DYSF: variants seen among roughly 807,000 people sequenced by gnomAD.
DYSF encodes the protein dystrophy-associated fer-1-like 1.
DYSF carries 212 observed loss-of-function variants against 274.9 expected under a neutral mutation model. The observed-to-expected ratio is 0.77, with a 90% CI of 0.69 to 0.86. DYSF has a LOEUF of 0.86. Ranked by LOEUF, DYSF falls within the 40% of genes least tolerant of loss-of-function variation. The pLI is 0.00. For missense variants in DYSF, 2,666 were observed against 2,783.2 expected (o/e 0.96, Z 0.95); for synonymous variants, 1,091 against 1,078.7 (o/e 1.01, Z -0.22).
At chr2:71,499,815 T>G (rs1272009786) in intron 3 of DYSF, among the ~76,000 whole-genome samples, 1 of 152,204 alleles carries the variant, frequency 6.6e-6, no homozygotes, top group Non-Finnish European at 1.5e-5. Flanking sequence ...CTGAGGAGGC[T>G]GGGAGCACCT....
rs934428561 is a variant in DYSF, at chr2:71,516,178, A to G, written c.889-2A>G. The G allele has an allele frequency of 1.2e-6, 2 of 1,614,042 alleles. No individual in the cohort carries two copies. Among genetic ancestry groups the G allele is most frequent in the African/African-American group, 2.7e-5 (2 of 74,908 alleles). ...ATGTCTCTCTTTGCTCTGAACCAAC[A>G]GACTCTTTTCTTCAACTTGTTTGAC... On this transcript the variant is annotated splice_acceptor_variant, in intron 8 of 55. Transcript: ENST00000410020. LOFTEE classifies it high-confidence loss of function.
intron 32 of DYSF, among the ~76,000 whole-genome samples, chr2:71,594,718 T>C (rs916508263): frequency 2.0e-5 from 3 of 152,212 alleles, no homozygotes; most frequent in Non-Finnish European, 4.4e-5. Flanking sequence ...ACCCTTGCCA[T>C]GCTTGCGCCT....
rs143304754 is a variant in DYSF at position 71,556,071 on chromosome 2, G to C, written c.2216G>C (p.Ser739Thr). 2 of 1,565,398 alleles carry C rather than the reference G, an allele frequency of 1.3e-6. No homozygotes were observed. Among genetic ancestry groups the C allele is most frequent in the African/African-American group, 1.3e-5 (1 of 74,408 alleles). The change falls in exon 22 of 56, where the codon AGC becomes ACC. Residue 739 changes from serine to threonine, a missense_variant and splice_region_variant. Around this residue, in one of 3 missense-constraint regions of DYSF, gnomAD observed 412 missense variants for 504.0 expected, o/e 0.82. Transcript: ENST00000410020. ...QLTDELIAGC[S>T]QPLGDIHETP... ...ACGGATGAGCTCATCGCAGGCTGCA[G>C]GTAGGGGGGACCTGGCGCCCCTGGT...
chr2:71,681,099 TGAG>T lies in DYSF; in HGVS notation c.6165_6167del (p.Glu2055del). ...ATGAGCCCAACATGAACCCTAAGCT[TGAG>T]GACCCAAGGTCAGTGCCCAGCCCCT... On this transcript the variant is annotated inframe_deletion, in exon 54 of 56. Transcript: ENST00000410020. 6.2e-7 allele frequency: 1 copy of T among 1,613,994 alleles called. No individual in the cohort carries two copies. Among genetic ancestry groups the T allele is most frequent in the Non-Finnish European group, 8.5e-7 (1 of 1,180,008 alleles).
chr2:71,546,384 C>T (rs1048045262), intron 17 of DYSF, among the ~76,000 whole-genome samples: 2 of 152,220 alleles, frequency 1.3e-5, no homozygotes, highest in African/African-American at 2.4e-5. Flanking sequence ...CAGGGTTCAC[C>T]AGATGATTTG....
intron 42 of DYSF, among the ~76,000 whole-genome samples, chr2:71,646,011 A>G (rs2094562647): frequency 6.6e-6 from 1 of 152,010 alleles, no homozygotes; most frequent in African/African-American, 2.4e-5. Flanking sequence ...TCTGCTAGGC[A>G]CTCTGGAGGG....
intron 1 of DYSF, among the ~76,000 whole-genome samples, chr2:71,472,448 C>T (rs1451318605): frequency 6.6e-6 from 1 of 152,186 alleles, no homozygotes; most frequent in Non-Finnish European, 1.5e-5. Flanking sequence ...ATTCTGTCGC[C>T]CAGGCTGGAG....
At chr2:71,674,861 A>G (rs2095193595) in intron 52 of DYSF, among the ~76,000 whole-genome samples, 1 of 152,168 alleles carries the variant, frequency 6.6e-6, no homozygotes, top group Admixed American at 6.5e-5. Context: ...AAGACATTGT[A>G]TGGGGCCTGC....
At chr2:71,662,581 A>T (rs1209050813) in intron 45 of DYSF, among the ~76,000 whole-genome samples, 3 of 146,286 alleles carry the variant, frequency 2.1e-5, no homozygotes, top group Non-Finnish European at 4.5e-5. Flanking sequence ...TTGTGTGTAT[A>T]CATGTGTGTA....
chr2:71,496,130 C>A (rs139550882), intron 3 of DYSF, among the ~76,000 whole-genome samples: 1 of 152,094 alleles, frequency 6.6e-6, no homozygotes, highest in Non-Finnish European at 1.5e-5. Flanking sequence ...GACCTCCCAG[C>A]CTCCTCTTCA....
intron 36 of DYSF, among the ~76,000 whole-genome samples, chr2:71,606,045 C>T (rs551690374): frequency 5.8e-4 from 89 of 152,220 alleles, no homozygotes; most frequent in African/African-American, 2.1e-3. Flanking sequence ...GATGACCCGG[C>T]TGATGCAGGA....
At chr2:71,606,499 G>A (rs1028891600) in intron 36 of DYSF, among the ~76,000 whole-genome samples, 1 of 152,102 alleles carries the variant, frequency 6.6e-6, no homozygotes, top group Non-Finnish European at 1.5e-5. Flanking sequence ...TTGCAGTGAG[G>A]GTCGCAGCAC....
At chr2:71,546,526 C>T (rs2090490531) in intron 17 of DYSF, among the ~76,000 whole-genome samples, 1 of 152,234 alleles carries the variant, frequency 6.6e-6, no homozygotes, top group Non-Finnish European at 1.5e-5. Flanking sequence ...GGACCCTGTG[C>T]TCTGAAGTAT....
chr2:71,679,380 C>T (rs2095267821), intron 53 of DYSF, 145 bp downstream of exon 53: 1 of 852,826 alleles, frequency 1.2e-6, no homozygotes, highest in Non-Finnish European at 1.8e-6. Flanking sequence ...CCCTCTCTCT[C>T]TATTTTCCAA....
chr2:71,563,789 A>T (rs2091924058), intron 23 of DYSF, among the ~76,000 whole-genome samples: 1 of 152,176 alleles, frequency 6.6e-6, no homozygotes. Flanking sequence ...TCCCAGAAGG[A>T]TGTACTCAGC....
chr2:71,507,392 C>G (rs2085597456), intron 4 of DYSF, among the ~76,000 whole-genome samples: 1 of 152,250 alleles, frequency 6.6e-6, no homozygotes. Context: ...TGCAAAATGT[C>G]TCATTCCCCT....
chr2:71,611,590 C>T lies in DYSF; in HGVS notation c.4185C>T (p.Asn1395=), dbSNP rs769037989. The stretch of plus-strand genomic sequence containing the variant: ...GTGTCATCAGGAACCTCCGGAAGAA[C>T]CCCAACTTTGACATCTGCACCCTCT... ...QSCVIRNLRK[N]PNFDICTLFM... Residue 1395 remains asparagine, a synonymous_variant, in exon 38 of 56, where the codon AAC becomes AAT. Coordinates refer to ENST00000410020, the MANE Select transcript of DYSF (RefSeq NM_001130987.2). 9 of 1,614,028 alleles carry T rather than the reference C, an allele frequency of 5.6e-6. No individual in the cohort carries two copies. The highest frequency in any genetic ancestry group is 4.0e-5 in the African/African-American group (3 of 74,932).
In DYSF at chr2:71,682,566, A is replaced by T. The variant is rs372244975; in HGVS notation, c.6210A>T (p.Pro2070=). Residue 2070 remains proline (P), a synonymous_variant, in exon 55 of 56, where the codon CCA becomes CCT. Coordinates refer to ENST00000410020, the MANE Select transcript of DYSF (RefSeq NM_001130987.2). The part of the protein sequence containing the change: ...PDTSFLWFTS[P]YKTMKFILWR... The stretch of plus-strand genomic sequence containing the variant: ...CCTCCTTCCTGTGGTTTACCTCCCC[A>T]TACAAGACCATGAAGTTCATCCTGT... 3.7e-6 allele frequency: 6 copies of T among 1,613,890 alleles called. No homozygotes were observed. The African/African-American group carries it at 8.0e-5, about 22-fold the overall frequency.
intron 40 of DYSF, 36 bp from the exon 41 acceptor site, chr2:71,620,511 C>T (rs1351535895): frequency 2.6e-6 from 4 of 1,551,630 alleles, no homozygotes; most frequent in East Asian, 2.4e-5. Flanking sequence ...AGTGGGTTCT[C>T]TAATCCTGTT....
Sources: allele counts gnomAD v4.1 joint callset (sites outside exome capture counted in the v4.1 genomes callset), GRCh38; gene constraint gnomAD v4.1.1; regional missense constraint gnomAD v4.1.1; transcripts MANE v1.5; gene names NCBI Gene and HGNC (gene_info 2026-07-23, HGNC 2026-07-21).